PCBP3: variants seen among roughly 807,000 people sequenced by gnomAD.
PCBP3 encodes the protein poly(rC)-binding protein 3.
A neutral mutation model predicts 52.7 loss-of-function variants in PCBP3; 25 were observed. The ratio of observed to expected loss-of-function variants is 0.47; its 90% CI spans 0.35 to 0.66. PCBP3 has a LOEUF of 0.66. Among genes scored for constraint, PCBP3 ranks in the 30% least tolerant of loss-of-function variants. The pLI is 0.01. For missense variants in PCBP3, 391 were observed against 490.3 expected (o/e 0.80, Z 1.91); for synonymous variants, 162 against 183.0 (o/e 0.89, Z 0.93).
At position 45,660,637 on chromosome 21, in the gene PCBP3, G is replaced by A. The variant is rs1053214384; in HGVS notation, c.-278-8237G>A. 2.6e-5 allele frequency among the ~76,000 whole-genome samples: 4 copies of A among 152,158 alleles called. 1 individual carries two copies. The highest frequency in any genetic ancestry group is 2.1e-4 in the South Asian group (1 of 4,812). ...CTTGGGGTCTTACTACTGGCAATTT[G>A]TAACAGTTTAGTTTGGATTAGTACC... On this transcript the variant is annotated intron_variant, in intron 1 of 17. Transcript: ENST00000681687.
intron 4 of PCBP3, among the ~76,000 whole-genome samples, chr21:45,833,649 G>T (rs772834248): frequency 6.6e-6 from 1 of 152,238 alleles, no homozygotes; most frequent in Non-Finnish European, 1.5e-5. Context: ...ACGACTGGAT[G>T]GTGCCCAGGC....
At chr21:45,727,495 G>A (rs1410951590) in intron 2 of PCBP3, among the ~76,000 whole-genome samples, 2 of 152,226 alleles carry the variant, frequency 1.3e-5, no homozygotes, top group African/African-American at 2.4e-5. Context: ...GGGAAGCACC[G>A]GGTAGGTCAA....
intron 4 of PCBP3, among the ~76,000 whole-genome samples, chr21:45,839,657 G>A (rs954626215): frequency 6.6e-5 from 10 of 152,092 alleles, no homozygotes; most frequent in African/African-American, 2.4e-4. Flanking sequence ...ATAGGCCTAC[G>A]CTAATGTGTG....
chr21:45,851,659 A>C (rs2094011144), intron 5 of PCBP3, among the ~76,000 whole-genome samples: 1 of 152,262 alleles, frequency 6.6e-6, no homozygotes, highest in South Asian at 2.1e-4. Flanking sequence ...AAATAACCAT[A>C]GATACAGCCA....
chr21:45,927,197 A>T (rs747329583), intron 13 of PCBP3, among the ~76,000 whole-genome samples: 5 of 130,672 alleles, frequency 3.8e-5, no homozygotes, highest in African/African-American at 1.4e-4. Context: ...TACATTCTGA[A>T]ACAATGTGAA....
chr21:45,674,512 G>A (rs1449555904), intron 2 of PCBP3, among the ~76,000 whole-genome samples: 2 of 151,978 alleles, frequency 1.3e-5, no homozygotes, highest in Admixed American at 6.6e-5. Context: ...TGGCTCCTTT[G>A]GTATTTGAGG....
chr21:45,866,670 C>A (rs1373550621), intron 5 of PCBP3, among the ~76,000 whole-genome samples: 1 of 152,144 alleles, frequency 6.6e-6, no homozygotes, highest in Non-Finnish European at 1.5e-5. Context: ...GGAGCAATCC[C>A]AGAGAGGCTG....
intron 6 of PCBP3, among the ~76,000 whole-genome samples, chr21:45,897,416 C>T (rs1024059891): frequency 3.3e-5 from 5 of 152,158 alleles, no homozygotes; most frequent in East Asian, 1.9e-4. Flanking sequence ...GTCTCCTGGC[C>T]GTTGGCAGGA....
chr21:45,807,686 C>G (rs1285471881), intron 4 of PCBP3, among the ~76,000 whole-genome samples: 1 of 151,608 alleles, frequency 6.6e-6, no homozygotes, highest in Non-Finnish European at 1.5e-5. Context: ...AAAAACTACT[C>G]TAAATTTCAT....
At chr21:45,757,417 T>C (rs1026800899) in intron 4 of PCBP3, among the ~76,000 whole-genome samples, 2 of 152,380 alleles carry the variant, frequency 1.3e-5, no homozygotes, top group Admixed American at 1.3e-4. Context: ...ATATATATTC[T>C]GGATACTAGA....
chr21:45,808,292 C>T (rs980055392), intron 4 of PCBP3, among the ~76,000 whole-genome samples: 1 of 152,088 alleles, frequency 6.6e-6, no homozygotes, highest in African/African-American at 2.4e-5. Context: ...TGCAATCTAT[C>T]CATCTGACAA....
At chr21:45,664,750 A>G (rs1437411667) in intron 1 of PCBP3, among the ~76,000 whole-genome samples, 3 of 145,576 alleles carry the variant, frequency 2.1e-5, no homozygotes, top group East Asian at 2.1e-4. Context: ...ATATCTCCCA[A>G]TGCTATCCCT....
intron 12 of PCBP3, chr21:45,916,304 A>G (rs2073405069): frequency 6.6e-6 from 1 of 152,296 alleles, no homozygotes. Context: ...TGCCTCTGGC[A>G]GCACCTTTAC....
At chr21:45,746,655 C>T (rs62213280) in intron 3 of PCBP3, among the ~76,000 whole-genome samples, 3,537 of 25,414 alleles carry the variant, frequency 0.14, 998 homozygotes, top group Middle Eastern at 0.3. Flanking sequence ...TGTCAGTCCA[C>T]TGACGTAGCG....
At chr21:45,927,277 C>G (rs2075550480) in intron 13 of PCBP3, among the ~76,000 whole-genome samples, 1 of 144,794 alleles carries the variant, frequency 6.9e-6, no homozygotes, top group African/African-American at 2.6e-5. Context: ...CTACCCTCCT[C>G]TCCCTCCCTC....
At chr21:45,887,690 G>T (rs1172104041) in intron 5 of PCBP3, among the ~76,000 whole-genome samples, 1 of 152,250 alleles carries the variant, frequency 6.6e-6, no homozygotes, top group Non-Finnish European at 1.5e-5. Flanking sequence ...GAATGTCTGT[G>T]CCTTTTGTGG....
chr21:45,845,134 C>T (rs184846204), intron 4 of PCBP3, among the ~76,000 whole-genome samples: 70 of 152,340 alleles, frequency 4.6e-4, no homozygotes, highest in Non-Finnish European at 8.4e-4. Context: ...GTTCTGCTCT[C>T]TTATGCCTTT....
chr21:45,778,455 G>T (rs1449681881), intron 4 of PCBP3, among the ~76,000 whole-genome samples: 1 of 152,172 alleles, frequency 6.6e-6, no homozygotes, highest in Non-Finnish European at 1.5e-5. Flanking sequence ...CTGGTGGGTG[G>T]GTTCTTGCGC....
intron 13 of PCBP3, chr21:45,918,333 G>T (rs920816399): frequency 1.3e-5 from 2 of 150,472 alleles, no homozygotes; most frequent in Non-Finnish European, 3.0e-5. Flanking sequence ...ATAAACGGTC[G>T]GTGTAATTCC....
Sources: gnomAD v4.1 joint callset for allele counts (sites outside exome capture counted in the v4.1 genomes callset) on GRCh38, gnomAD v4.1.1 for gene constraint, MANE v1.5 for transcripts, NCBI Gene and HGNC (gene_info 2026-07-23, HGNC 2026-07-21) for gene names.